Variants in DENND4A observed in about 807,000 individuals in gnomAD.
The protein encoded by DENND4A is C-myc promoter-binding protein.
DENND4A carries 70 observed loss-of-function variants against 199.3 expected under a neutral mutation model. The observed-to-expected ratio is 0.35, with a 90% confidence interval of 0.29 to 0.43. DENND4A has a LOEUF of 0.43. DENND4A is among the 20% of genes least tolerant of loss of function. The pLI, the probability that DENND4A is intolerant of heterozygous loss-of-function variation, is 1.00. For synonymous variants in DENND4A, 686 were observed against 766.9 expected (o/e 0.89, Z 1.74); for missense variants, 1,723 against 2,255.8 (o/e 0.76, Z 4.78).
At chr15:65,759,233 C>G (rs564268201) in intron 2 of DENND4A, among the ~76,000 whole-genome samples, 1 of 152,234 alleles carries the variant, frequency 6.6e-6, no homozygotes, top group East Asian at 1.9e-4. Context: ...AATCCCAGCA[C>G]TTTGGGAGGC....
chr15:65,764,844 G>A (rs917325851), intron 1 of DENND4A, among the ~76,000 whole-genome samples: 9 of 151,448 alleles, frequency 5.9e-5, no homozygotes, highest in Non-Finnish European at 1.0e-4. Context: ...GTGGTAGTGT[G>A]CACTATAGTC....
In DENND4A at chr15:65,752,579, G is replaced by C. The variant is rs1278462220; in HGVS notation, c.361C>G (p.Gln121Glu). The C allele has an allele frequency of 6.3e-7, 1 of 1,598,638 alleles. No individual in the cohort carries two copies. Among genetic ancestry groups the C allele is most frequent in the Non-Finnish European group, 8.5e-7 (1 of 1,170,720 alleles). Reference protein sequence around the residue: ...ERLKQGCEIIQSTPYGRPANI... With the variant: ...ERLKQGCEIIESTPYGRPANI... ...GCGGGGCGCCCATAGGGAGTACTCT[G>C]AATAATTTCACAACCCTGTTTCAAT... Residue 121 changes from glutamine (Q) to glutamate (E), a missense_variant, in exon 4 of 33, where the codon CAG becomes GAG. This residue lies in a region of DENND4A where 725 missense variants were observed against 952.9 expected (regional missense o/e 0.76). Transcript: ENST00000443035.
intron 29 of DENND4A, among the ~76,000 whole-genome samples, chr15:65,666,399 CA>C (rs1344057425): frequency 6.6e-6 from 1 of 152,118 alleles, no homozygotes; most frequent in Non-Finnish European, 1.5e-5. Flanking sequence ...GTGGCATACA[CA>C]GCGTGGATAC....
intron 1 of DENND4A, among the ~76,000 whole-genome samples, chr15:65,790,032 AG>A (rs772195722): frequency 2.1e-4 from 32 of 152,302 alleles, no homozygotes; most frequent in Non-Finnish European, 4.3e-4. Context: ...GCACGCCTGT[AG>A]TCCCAGCTAC....
chr15:65,766,751 T>C (rs1432317166), intron 1 of DENND4A: 1 of 152,190 alleles, frequency 6.6e-6, no homozygotes, highest in Non-Finnish European at 1.5e-5. Context: ...ACCAATCTAC[T>C]AAATTCTGAG....
At chr15:65,741,663 G>A (rs1204350113) in intron 5 of DENND4A, 52 bp downstream of exon 5, 27 of 1,496,910 alleles carry the variant, frequency 1.8e-5, no homozygotes, top group Middle Eastern at 1.7e-4. Context: ...TAACCTTTCC[G>A]GGCCCTATAA....
Position 65,660,003 on chromosome 15 carries a change from C to G in DENND4A, c.*1848G>C. On this transcript the variant is annotated 3_prime_UTR_variant, in exon 33 of 33. Transcript: ENST00000443035. ...CCACCAACCACAAATAGAAGAGAAC[C>G]CCAGACGGTTCTCTTGGAGGGATGT... The G allele has an allele frequency of 3.0e-6, 1 of 331,544 alleles. No individual in the cohort carries two copies. The highest frequency in any genetic ancestry group is 5.5e-6 in the Non-Finnish European group (1 of 182,020). The allele number at this position is 331,544 out of a possible 1,614,324, so 20.5% of individuals were successfully genotyped here.
intron 14 of DENND4A, among the ~76,000 whole-genome samples, chr15:65,712,440 A>G (rs532258619): frequency 6.6e-6 from 1 of 152,320 alleles, no homozygotes; most frequent in South Asian, 2.1e-4. Flanking sequence ...GGCAGCTATA[A>G]TTATTTCTCC....
intron 4 of DENND4A, among the ~76,000 whole-genome samples, chr15:65,744,317 G>C (rs1289424583): frequency 6.6e-6 from 1 of 152,154 alleles, no homozygotes; most frequent in Non-Finnish European, 1.5e-5. Flanking sequence ...TTCAGTTTTA[G>C]ACATGTTAAG....
intron 15 of DENND4A, among the ~76,000 whole-genome samples, chr15:65,703,636 TA>T (rs2074947367): frequency 6.6e-6 from 1 of 152,158 alleles, no homozygotes; most frequent in South Asian, 2.1e-4. Context: ...GTAAACCTAA[TA>T]AGGGTGCGAG....
chr15:65,732,688 G>T, intron 8 of DENND4A, 64 bp downstream of exon 8: 2 of 935,250 alleles, frequency 2.1e-6, no homozygotes, highest in Non-Finnish European at 3.3e-6. Flanking sequence ...TTATTCTTAT[G>T]TTACATTTTG....
chr15:65,683,806 T>C (rs1048434819), intron 23 of DENND4A, among the ~76,000 whole-genome samples: 1 of 152,236 alleles, frequency 6.6e-6, no homozygotes, highest in Non-Finnish European at 1.5e-5. Context: ...GTAGTAAATT[T>C]ACCAACTTTT....
At chr15:65,755,545 C>A (rs1446975313) in intron 3 of DENND4A, among the ~76,000 whole-genome samples, 3 of 152,156 alleles carry the variant, frequency 2.0e-5, no homozygotes, top group African/African-American at 7.2e-5. Flanking sequence ...GCAGGAAAAT[C>A]ACTTGAGGCC....
intron 30 of DENND4A, 38 bp downstream of exon 30, chr15:65,665,307 T>TCATATGAA (rs1185238700): frequency 2.0e-6 from 3 of 1,517,726 alleles, no homozygotes; most frequent in Non-Finnish European, 2.7e-6. Context: ...GAGATTACTC[T>TCATATGAA]CATATGAACA....
intron 9 of DENND4A, 163 bp downstream of exon 9, chr15:65,731,479 A>T: frequency 1.5e-6 from 1 of 672,464 alleles, no homozygotes; most frequent in Admixed American, 2.1e-5. Context: ...TCCTTTTTTC[A>T]TTAATAACTG....
intron 24 of DENND4A, among the ~76,000 whole-genome samples, chr15:65,672,782 G>C (rs2076255451): frequency 6.6e-6 from 1 of 152,056 alleles, no homozygotes. Context: ...ATTGTATCTT[G>C]TCAGTAAAAC....
intron 23 of DENND4A, among the ~76,000 whole-genome samples, chr15:65,681,896 A>T (rs1385009932): frequency 6.6e-6 from 1 of 152,192 alleles, no homozygotes; most frequent in Non-Finnish European, 1.5e-5. Context: ...CTCTTGCATG[A>T]CTAGGTGCAT....
At chr15:65,787,602 A>G (rs983587591) in intron 1 of DENND4A, among the ~76,000 whole-genome samples, 2 of 152,198 alleles carry the variant, frequency 1.3e-5, no homozygotes, top group African/African-American at 2.4e-5. Flanking sequence ...CCGAACCTAC[A>G]ATCAAGTAAT....
At chr15:65,705,504 T>G (rs2075018803) in intron 15 of DENND4A, among the ~76,000 whole-genome samples, 1 of 152,200 alleles carries the variant, frequency 6.6e-6, no homozygotes, top group South Asian at 2.1e-4. Flanking sequence ...TCACTAGACT[T>G]GAAGGCAGGG....
Sources: allele counts gnomAD v4.1 joint callset (sites outside exome capture counted in the v4.1 genomes callset), GRCh38; gene constraint gnomAD v4.1.1; regional missense constraint gnomAD v4.1.1; transcripts MANE v1.5; gene names NCBI Gene and HGNC (gene_info 2026-07-23, HGNC 2026-07-21).